HNRNPCL2: variants seen among roughly 807,000 people sequenced by gnomAD.
HNRNPCL2 encodes the protein heterogeneous nuclear ribonucleoprotein C-like 2.
A neutral mutation model predicts 18.2 loss-of-function variants in HNRNPCL2; 17 were observed. The observed-to-expected ratio is 0.94, with a 90% CI of 0.64 to 1.40. The LOEUF is 1.40. Ranked by LOEUF, HNRNPCL2 falls within the 40% of genes most tolerant of loss-of-function variation. The probability of loss-of-function intolerance (pLI) is 0.00; values close to 1 mark genes in which losing one functional copy is unlikely to be tolerated. For missense variants in HNRNPCL2, 358 were observed against 357.1 expected (o/e 1.00, Z -0.02); for synonymous variants, 133 against 129.9 (o/e 1.02, Z -0.16).
Position 13,116,332 on chromosome 1 carries a change from G to T in HNRNPCL2, c.69C>A (p.Leu23=), listed in dbSNP as rs775037913. ...CAGATTTCTTGACAACAAGAGTGTTGAGATTCCCAATGAACACACGGGAGT... is the reference window on the plus strand; with the variant it reads ...CAGATTTCTTGACAACAAGAGTGTTTAGATTCCCAATGAACACACGGGAGT... ...SVNSRVFIGN[L]NTLVVKKSDV... is the part of the protein sequence containing the mutation. The change falls in exon 2 of 2, where the codon CTC becomes CTA. Residue 23 remains leucine, a synonymous_variant. Coordinates refer to ENST00000621994, the MANE Select transcript of HNRNPCL2 (RefSeq NM_001136561.3). The T allele has an allele frequency of 9.9e-6, 16 of 1,612,960 alleles. 1 individual carries two copies. In the South Asian group the frequency reaches 1.6e-4, roughly 17 times the overall value.
chr1:13,116,343 T>A lies in HNRNPCL2; in HGVS notation c.58A>T (p.Ile20Phe). The change falls in exon 2 of 2, where the codon ATT becomes TTT. Residue 20 changes from isoleucine (I) to phenylalanine (F), a missense_variant. Ile to Phe is a conservative substitution (Grantham distance 21, BLOSUM62 0). Coordinates refer to ENST00000621994, the MANE Select transcript of HNRNPCL2 (RefSeq NM_001136561.3). ...ACAACAAGAGTGTTGAGATTCCCAA[T>A]GAACACACGGGAGTTCACGGAGTGA... ...DPHSVNSRVF[I>F]GNLNTLVVKK... 1 of 1,613,188 alleles carries A rather than the reference T, an allele frequency of 6.2e-7. No homozygotes were observed. The highest frequency in any genetic ancestry group is 2.2e-5 in the East Asian group (1 of 44,802).
rs749607300 is a variant in HNRNPCL2, at chr1:13,115,995, T to G, written c.406A>C (p.Ile136Leu). Residue 136 changes from isoleucine (I) to leucine (L), a missense_variant, in exon 2 of 2, where the codon ATT (isoleucine) becomes CTT (leucine). Coordinates refer to ENST00000621994, the MANE Select transcript of HNRNPCL2 (RefSeq NM_001136561.3). ...FPARVPPPPP[I>L]ALAVVPSKRQ... ...TTCGAGGGCACTACAGCCAGAGCAA[T>G]GGGAGGAGGAGGAGGTACACGTGCT... 5.0e-6 allele frequency: 8 copies of G among 1,613,184 alleles called. No individual in the cohort carries two copies. In the East Asian group the frequency reaches 1.8e-4, roughly 36 times the overall value.
chr1:13,116,764 G>A, intron 1 of HNRNPCL2, 29 bp downstream of exon 1: 1 of 286,340 alleles, frequency 3.5e-6, no homozygotes. Flanking sequence ...GGTCACATGG[G>A]AGTGTCCTTA....
rs1642808081 is a variant in HNRNPCL2, at chr1:13,115,709, T to C, written c.692A>G (p.Lys231Arg). Residue 231 changes from lysine (K) to arginine (R), a missense_variant, in exon 2 of 2, where the codon AAA (lysine) becomes AGA (arginine). Coordinates refer to ENST00000621994, the MANE Select transcript of HNRNPCL2 (RefSeq NM_001136561.3). ...CTCCATCTTTACATGAGTCTCATCT[T>C]TCTTCATGGAGCTACTGCTCTGCTC... is the stretch of plus-strand genomic sequence containing the variant. The part of the protein sequence containing the change: ...EEEQSSSSMK[K>R]DETHVKMESE... The C allele has an allele frequency of 1.2e-6, 2 of 1,613,678 alleles. No homozygotes were observed. The highest frequency in any genetic ancestry group is 4.5e-5 in the East Asian group (2 of 44,878).
In HNRNPCL2 at chr1:13,116,009, G is replaced by A; in HGVS notation, c.392C>T (p.Pro131Leu). The change falls in exon 2 of 2, where the codon CCT (proline) becomes CTT (leucine). Residue 131 changes from proline to leucine, a missense_variant. Transcript: ENST00000621994. Reference sequence around the variant, plus strand: ...AGCCAGAGCAATGGGAGGAGGAGGAGGTACACGTGCTGGGAAACTGTACAT... The same window carrying A: ...AGCCAGAGCAATGGGAGGAGGAGGAAGTACACGTGCTGGGAAACTGTACAT... ...DGMYSFPARV[P>L]PPPPIALAVV... 8 of 1,613,342 alleles carry A rather than the reference G, an allele frequency of 5.0e-6. No individual in the cohort carries two copies. The highest frequency in any genetic ancestry group is 6.8e-6 in the Non-Finnish European group (8 of 1,179,838).
Position 13,116,175 on chromosome 1 carries a change from C to A in HNRNPCL2, c.226G>T (p.Ala76Ser), listed in dbSNP as rs1319316002. Residue 76 changes from alanine (A) to serine (S), a missense_variant, in exon 2 of 2, where the codon GCT (alanine) becomes TCT (serine). Transcript: ENST00000621994. ...AGGTTAATAACTGCAACCTGGCTAG[C>A]AATCATTCTGCCATCCTCTCCTGCT... Reference protein sequence around the residue: ...AVAGEDGRMIASQVAVINLAA... With the variant: ...AVAGEDGRMISSQVAVINLAA... The A allele has an allele frequency of 6.2e-7, 1 of 1,609,142 alleles. No homozygotes were observed. The highest frequency in any genetic ancestry group is 1.1e-5 in the South Asian group (1 of 90,826).
chr1:13,116,153 T>A lies in HNRNPCL2; in HGVS notation c.248A>T (p.Asn83Ile). The A allele has an allele frequency of 1.2e-6, 2 of 1,607,864 alleles. No individual in the cohort carries two copies. Among genetic ancestry groups the A allele is most frequent in the Non-Finnish European group, 1.7e-6 (2 of 1,176,282 alleles). Residue 83 changes from asparagine to isoleucine, a missense_variant, in exon 2 of 2, where the codon AAC (asparagine) becomes ATC (isoleucine). Transcript: ENST00000621994. ...RMIASQVAVI[N>I]LAAEPKVNRG... The stretch of plus-strand genomic sequence containing the variant: ...GTTCACTTTTGGCTCTGCAGCCAGG[T>A]TAATAACTGCAACCTGGCTAGCAAT...
rs969721254 is a variant in HNRNPCL2, at chr1:13,116,514, C to T, written c.-114G>A. On this transcript the variant is annotated 5_prime_UTR_variant, in exon 2 of 2. Coordinates refer to ENST00000621994, the MANE Select transcript of HNRNPCL2 (RefSeq NM_001136561.3). ...CTACGGGGAGAAACTGACTGCGGCT[C>T]GAGGCCAGAAATGCAGCCAAAACAG... 1 of 1,445,540 alleles carries T rather than the reference C, an allele frequency of 6.9e-7. No homozygotes were observed. Among genetic ancestry groups the T allele is most frequent in the Non-Finnish European group, 9.2e-7 (1 of 1,089,854 alleles). 89.5% of individuals were successfully genotyped at this position (1,445,540 alleles called of 1,614,324 possible). A position where few individuals can be genotyped will look rare whatever the true frequency, so the allele number is the denominator to read the frequency against.
intron 1 of HNRNPCL2, 43 bp downstream of exon 1, chr1:13,116,750 T>G (rs1203848721): frequency 3.0e-6 from 1 of 328,462 alleles, no homozygotes; most frequent in Non-Finnish European, 5.5e-6. Flanking sequence ...ACCGGCTGAC[T>G]GTAGGTCACA....
Position 13,115,488 on chromosome 1 carries a change from T to C in HNRNPCL2, c.*31A>G, listed in dbSNP as rs770476626. The C allele has an allele frequency of 2.0e-5, 31 of 1,535,766 alleles. No individual in the cohort carries two copies. In the East Asian group the frequency reaches 6.1e-4, roughly 30 times the overall value. ...GACAAGCTCCTAGGTAAAGAAACAA[T>C]GGGATAAGATTTCTCAACCCCACTA... On this transcript the variant is annotated 3_prime_UTR_variant, in exon 2 of 2. Transcript: ENST00000621994.
At position 13,115,585 on chromosome 1, in the gene HNRNPCL2, A is replaced by G; in HGVS notation, c.816T>C (p.Asn272=). ...QGDNQLHLIK[N]NEKDAEEGED... ...CTCCTTCCTCAGCATCTTTTTCATT[A>G]TTCTTGATCAAATGAAGCTGGTTGT... Residue 272 remains asparagine (N), a synonymous_variant, in exon 2 of 2, where the codon AAT becomes AAC. Transcript: ENST00000621994. 6.2e-7 allele frequency: 1 copy of G among 1,613,348 alleles called. No individual in the cohort carries two copies.
rs1236603717 is a variant in HNRNPCL2 at position 13,116,191 on chromosome 1, C to T, written c.210G>A (p.Glu70=). 1 of 1,611,506 alleles carries T rather than the reference C, an allele frequency of 6.2e-7. No individual in the cohort carries two copies. Among genetic ancestry groups the T allele is most frequent in the Non-Finnish European group, 8.5e-7 (1 of 1,179,318 alleles). ...CCTGGCTAGCAATCATTCTGCCATC[C>T]TCTCCTGCTACAGCAGCCCGGGCAT... is the stretch of plus-strand genomic sequence containing the variant. ...EKNARAAVAG[E]DGRMIASQVA... Residue 70 remains glutamate (E), a synonymous_variant, in exon 2 of 2, where the codon GAG becomes GAA. Transcript: ENST00000621994.
chr1:13,116,071 G>C lies in HNRNPCL2; in HGVS notation c.330C>G (p.Asp110Glu), dbSNP rs755406057. ...AATCCCGTTGAAAGCCATAGTCCAA[G>C]TCAAAAGAGGAGCCGTACATCTCCG... ...SAAEMYGSSF[D>E]LDYGFQRDYY... Residue 110 changes from aspartate to glutamate, a missense_variant, in exon 2 of 2, where the codon GAC becomes GAG. Physicochemically the swap from Asp to Glu is conservative, Grantham distance 45 (BLOSUM62 2). Transcript: ENST00000621994. 2.5e-6 allele frequency: 4 copies of C among 1,613,430 alleles called. No individual in the cohort carries two copies. Among genetic ancestry groups the C allele is most frequent in the Non-Finnish European group, 2.5e-6 (3 of 1,179,902 alleles).
rs1737105 is a variant in HNRNPCL2 at position 13,116,039 on chromosome 1, T to C, written c.362A>G (p.Asp121Gly). The change falls in exon 2 of 2, where the codon GAT becomes GGT. Residue 121 changes from aspartate (D) to glycine (G), a missense_variant. Coordinates refer to ENST00000621994, the MANE Select transcript of HNRNPCL2 (RefSeq NM_001136561.3). ...ACGTGCTGGGAAACTGTACATCCCA[T>C]CATAATAATCCCGTTGAAAGCCATA... is the stretch of plus-strand genomic sequence containing the variant. Reference protein sequence around the residue: ...LDYGFQRDYYDGMYSFPARVP... With the variant: ...LDYGFQRDYYGGMYSFPARVP... 1.6e-3 allele frequency: 2,597 copies of C among 1,612,454 alleles called. 4 individuals are homozygous for C. The highest frequency in any genetic ancestry group is 1.7e-3 in the Non-Finnish European group (1,982 of 1,179,416).
In HNRNPCL2 at chr1:13,116,281, A is replaced by G. The variant is rs752065553; in HGVS notation, c.120T>C (p.Tyr40=). The change falls in exon 2 of 2, where the codon TAT becomes TAC. Residue 40 remains tyrosine (Y), a synonymous_variant. Coordinates refer to ENST00000621994, the MANE Select transcript of HNRNPCL2 (RefSeq NM_001136561.3). ...GAACAGAGCAGCCCGCAATTTTGCC[A>G]TACTTGGAAAAGATCGCCTCCACAT... ...KSDVEAIFSK[Y]GKIAGCSVHK... 3 of 1,612,386 alleles carry G rather than the reference A, an allele frequency of 1.9e-6. No individual in the cohort carries two copies. The highest frequency in any genetic ancestry group is 2.5e-6 in the Non-Finnish European group (3 of 1,179,586).
rs1437804363 is a variant in HNRNPCL2 at position 13,115,591 on chromosome 1, G to C, written c.810C>G (p.Ile270Met). ...CCTCAGCATCTTTTTCATTATTCTT[G>C]ATCAAATGAAGCTGGTTGTCCCCCT... ...EDQGDNQLHL[I>M]KNNEKDAEEG... Residue 270 changes from isoleucine (I) to methionine (M), a missense_variant, in exon 2 of 2, where the codon ATC (isoleucine) becomes ATG (methionine). By Grantham distance (10) the Ile-to-Met change is conservative. Transcript: ENST00000621994. 3 of 1,613,354 alleles carry C rather than the reference G, an allele frequency of 1.9e-6. No individual in the cohort carries two copies. Among genetic ancestry groups the C allele is most frequent in the Admixed American group, 3.3e-5 (2 of 59,964 alleles).
chr1:13,116,151 G>C lies in HNRNPCL2; in HGVS notation c.250C>G (p.Leu84Val). The change falls in exon 2 of 2, where the codon CTG (leucine) becomes GTG (valine). Residue 84 changes from leucine (L) to valine (V), a missense_variant. Coordinates refer to ENST00000621994, the MANE Select transcript of HNRNPCL2 (RefSeq NM_001136561.3). ...MIASQVAVIN[L>V]AAEPKVNRGN... is the part of the protein sequence containing the mutation. ...CGGTTCACTTTTGGCTCTGCAGCCA[G>C]GTTAATAACTGCAACCTGGCTAGCA... The C allele has an allele frequency of 3.1e-6, 5 of 1,608,212 alleles. No homozygotes were observed. The highest frequency in any genetic ancestry group is 4.2e-6 in the Non-Finnish European group (5 of 1,176,578).
At position 13,116,549 on chromosome 1, in the gene HNRNPCL2, C is replaced by T. The variant is rs558364530; in HGVS notation, c.-149G>A. 2.3e-5 allele frequency: 30 copies of T among 1,331,960 alleles called. No individual in the cohort carries two copies. The East Asian group carries it at 3.4e-4, about 15-fold the overall frequency. 82.5% of individuals were successfully genotyped at this position (1,331,960 alleles called of 1,614,324 possible). ...AATGCAGCCAAAACAGCTCAGTCTT[C>T]GTCTCTTCACAAAATGGCTGCCAAC... On this transcript the variant is annotated 5_prime_UTR_variant, in exon 2 of 2. Coordinates refer to ENST00000621994, the MANE Select transcript of HNRNPCL2 (RefSeq NM_001136561.3).
chr1:13,115,701 T>C lies in HNRNPCL2; in HGVS notation c.700A>G (p.Thr234Ala). The change falls in exon 2 of 2, where the codon ACT (threonine) becomes GCT (alanine). Residue 234 changes from threonine (T) to alanine (A), a missense_variant. Thr to Ala is a moderately conservative substitution (Grantham distance 58). Transcript: ENST00000621994. The stretch of plus-strand genomic sequence containing the variant: ...CCCTCAGACTCCATCTTTACATGAG[T>C]CTCATCTTTCTTCATGGAGCTACTG... ...QSSSSMKKDETHVKMESEGGA... is the reference protein window; with the variant it reads ...QSSSSMKKDEAHVKMESEGGA... The C allele has an allele frequency of 6.2e-7, 1 of 1,613,122 alleles. No individual in the cohort carries two copies. The highest frequency in any genetic ancestry group is 2.2e-5 in the East Asian group (1 of 44,862).
Sources: allele counts gnomAD v4.1 joint callset, GRCh38; gene constraint gnomAD v4.1.1; transcripts MANE v1.5; gene names NCBI Gene and HGNC (gene_info 2026-07-23, HGNC 2026-07-21).